ADAM19: variants seen among roughly 807,000 people sequenced by gnomAD.
ADAM19 encodes the protein ADAM metallopeptidase domain 19.
ADAM19 carries 65 observed loss-of-function variants against 114.7 expected under a neutral mutation model. The ratio of observed to expected loss-of-function variants is 0.57; its 90% CI spans 0.46 to 0.70. The LOEUF (loss-of-function observed/expected upper bound fraction) is 0.70, where lower values mean the gene tolerates loss of function less well. ADAM19 is among the 30% of genes least tolerant of loss of function. The pLI, the probability that ADAM19 is intolerant of heterozygous loss-of-function variation, is 0.00. For synonymous variants in ADAM19, 466 were observed against 460.5 expected (o/e 1.01, Z -0.15); for missense variants, 1,063 against 1,204.7 (o/e 0.88, Z 1.74).
Position 157,478,013 on chromosome 5 carries a change from G to A in ADAM19, c.*2936C>T. 3 of 260,568 alleles carry A rather than the reference G, an allele frequency of 1.2e-5. No homozygotes were observed. The highest frequency in any genetic ancestry group is 2.3e-5 in the Non-Finnish European group (3 of 128,020). The allele number at this position is 260,568 out of a possible 1,614,324, so 16.1% of individuals were successfully genotyped here. A position where few individuals can be genotyped will look rare whatever the true frequency, so the allele number is the denominator to read the frequency against. ...AGGCAGTTACAAGATTGAGCCAGGTGCCCAGGCTAAGGCTTCTAGAGACAG... is the reference window on the plus strand; with the variant it reads ...AGGCAGTTACAAGATTGAGCCAGGTACCCAGGCTAAGGCTTCTAGAGACAG... On this transcript the variant is annotated 3_prime_UTR_variant, in exon 23 of 23. Transcript: ENST00000257527.
chr5:157,560,665 T>G (rs1439787434), intron 3 of ADAM19, among the ~76,000 whole-genome samples: 9 of 152,224 alleles, frequency 5.9e-5, no homozygotes, highest in Admixed American at 5.9e-4. Flanking sequence ...TAGCAGCTTC[T>G]GTGTGACTGT....
intron 18 of ADAM19, among the ~76,000 whole-genome samples, chr5:157,491,128 C>T (rs913226512): frequency 8.0e-5 from 12 of 150,736 alleles, no homozygotes; most frequent in East Asian, 1.9e-4. Flanking sequence ...AAGTTATTTG[C>T]TATTTTTTTT....
In ADAM19 at chr5:157,493,196, G is replaced by C. The variant is rs1755234392; in HGVS notation, c.1704-19C>G. The C allele has an allele frequency of 1.9e-6, 3 of 1,609,030 alleles. No individual in the cohort carries two copies. The highest frequency in any genetic ancestry group is 2.6e-6 in the Non-Finnish European group (3 of 1,175,722). ...CGCATCTCTGGGCACAAGAGACAGAGAGGGAAGGAAGCGGAATCAGAGGCA... is the reference window on the plus strand; with the variant it reads ...CGCATCTCTGGGCACAAGAGACAGACAGGGAAGGAAGCGGAATCAGAGGCA... On this transcript the variant is annotated intron_variant, in intron 15 of 22. Transcript: ENST00000257527.
At chr5:157,498,225 G>C (rs1299642075) in intron 13 of ADAM19, among the ~76,000 whole-genome samples, 1 of 152,230 alleles carries the variant, frequency 6.6e-6, no homozygotes, top group African/African-American at 2.4e-5. Context: ...GGCCAAGACT[G>C]GGCCAGCTGA....
intron 4 of ADAM19, among the ~76,000 whole-genome samples, chr5:157,533,573 G>A (rs13353878): frequency 0.16 from 24,720 of 152,088 alleles, 2,176 homozygotes; most frequent in Middle Eastern, 0.21. Flanking sequence ...AAGAGGGGCC[G>A]GGCCTGTGTG....
chr5:157,511,577 G>A (rs533871070), intron 8 of ADAM19, among the ~76,000 whole-genome samples: 2 of 152,276 alleles, frequency 1.3e-5, no homozygotes, highest in Non-Finnish European at 1.5e-5. Flanking sequence ...CAGTTCAATC[G>A]TTACAGAAAA....
At chr5:157,481,163 T>C (rs1754734582) in intron 22 of ADAM19, 161 bp from the exon 23 acceptor site, 2 of 925,998 alleles carry the variant, frequency 2.2e-6, no homozygotes, top group Admixed American at 4.7e-5. Flanking sequence ...ACCCAGACCA[T>C]CAGCCCTGCA....
At chr5:157,529,096 TC>T (rs1756554601) in intron 5 of ADAM19, among the ~76,000 whole-genome samples, 1 of 152,350 alleles carries the variant, frequency 6.6e-6, no homozygotes, top group South Asian at 2.1e-4. Flanking sequence ...GGTGGGATTA[TC>T]TTTGTCAGCA....
intron 5 of ADAM19, among the ~76,000 whole-genome samples, chr5:157,529,056 A>G (rs1010590958): frequency 6.6e-6 from 1 of 152,214 alleles, no homozygotes; most frequent in African/African-American, 2.4e-5. Flanking sequence ...GCCTTCAATA[A>G]CATCACATCG....
chr5:157,564,422 T>C lies in ADAM19; in HGVS notation c.202A>G (p.Arg68Gly), dbSNP rs201342830. Residue 68 changes from arginine to glycine, a missense_variant, in exon 3 of 23, where the codon AGG becomes GGG. Arg to Gly is a moderately radical substitution (Grantham distance 125, BLOSUM62 -2). Around this residue, in one of 3 missense-constraint regions of ADAM19, gnomAD observed 615 missense variants for 706.3 expected, o/e 0.87. Transcript: ENST00000257527. ...REKHPLKAEL[R>G]VMAEGRELIL... ...AGTTCTCGCCCCTCAGCCATTACCC[T>C]GAGCTCAGCTTTGAGTGGATGCTAA... 10 of 1,614,220 alleles carry C rather than the reference T, an allele frequency of 6.2e-6. No homozygotes were observed. The Admixed American group carries it at 1.3e-4, about 22-fold the overall frequency.
Position 157,481,775 on chromosome 5 carries a change from C to T in ADAM19, c.2703+16G>A, listed in dbSNP as rs1561837399. The T allele has an allele frequency of 7.0e-6, 11 of 1,563,192 alleles. No individual in the cohort carries two copies. The East Asian group carries it at 9.4e-5, about 13-fold the overall frequency. ...CTGGTACCAGCTTTCACCTTGAGGGCTTCCCGTGGACTCACCTTTGGGGCA... is the reference window on the plus strand; with the variant it reads ...CTGGTACCAGCTTTCACCTTGAGGGTTTCCCGTGGACTCACCTTTGGGGCA... On this transcript the variant is annotated intron_variant, in intron 22 of 22. Transcript: ENST00000257527.
At chr5:157,506,796 G>A (rs537433390) in intron 10 of ADAM19, among the ~76,000 whole-genome samples, 55 of 152,244 alleles carry the variant, frequency 3.6e-4, no homozygotes, top group African/African-American at 1.3e-3. Flanking sequence ...GAACATATGA[G>A]ATCTAGTGAT....
chr5:157,488,126 C>G, intron 21 of ADAM19, 139 bp downstream of exon 21: 1 of 829,008 alleles, frequency 1.2e-6, no homozygotes, highest in Non-Finnish European at 2.0e-6. Context: ...CTGCTGTGCG[C>G]CCCCGTATTG....
Position 157,510,763 on chromosome 5 carries a change from G to A in ADAM19, c.739-1296C>T, listed in dbSNP as rs570685431. ...CTTTATTGCTGAATAATATTCTTTC[G>A]TATGGATATACCAAATTATATTAAT... On this transcript the variant is annotated intron_variant, in intron 8 of 22. Transcript: ENST00000257527. Among the ~76,000 whole-genome samples, 54 of 152,204 alleles carry A rather than the reference G, an allele frequency of 3.5e-4. 1 individual carries two copies. The South Asian group carries it at 3.9e-3, about 11-fold the overall frequency.
At chr5:157,510,599 G>A (rs548912006) in intron 8 of ADAM19, among the ~76,000 whole-genome samples, 52 of 152,278 alleles carry the variant, frequency 3.4e-4, no homozygotes, top group Admixed American at 2.4e-3. Flanking sequence ...CCAGGCAACC[G>A]TGCATCTACT....
chr5:157,569,885 G>A (rs1277168552), intron 2 of ADAM19, among the ~76,000 whole-genome samples: 1 of 152,160 alleles, frequency 6.6e-6, no homozygotes, highest in African/African-American at 2.4e-5. Flanking sequence ...CACTTCGCAA[G>A]TGGCAGGTCA....
rs374168780 is a variant in ADAM19, at chr5:157,494,812, C to T, written c.1595-17G>A. The T allele has an allele frequency of 4.8e-5, 77 of 1,605,372 alleles. No homozygotes were observed. The highest frequency in any genetic ancestry group is 3.3e-4 in the Middle Eastern group (2 of 6,028). On this transcript the variant is annotated splice_polypyrimidine_tract_variant and intron_variant, in intron 14 of 22. Coordinates refer to ENST00000257527, the MANE Select transcript of ADAM19 (RefSeq NM_033274.5). The stretch of plus-strand genomic sequence containing the variant: ...GTCGGGCTCCTGGGTGGGCAAGCAA[C>T]ATCTATCAGTATACTCATCTGTCAG...
intron 3 of ADAM19, among the ~76,000 whole-genome samples, chr5:157,559,689 A>G (rs1332748205): frequency 6.6e-6 from 1 of 150,414 alleles, no homozygotes; most frequent in Non-Finnish European, 1.5e-5. Flanking sequence ...GGACATGGGG[A>G]AAAGAACATA....
At chr5:157,505,043 T>C (rs1755696681) in intron 11 of ADAM19, among the ~76,000 whole-genome samples, 1 of 143,544 alleles carries the variant, frequency 7.0e-6, no homozygotes, top group East Asian at 2.0e-4. Flanking sequence ...GGTGTGAACC[T>C]GGGAGGCAGA....
Sources: gnomAD v4.1 joint callset for allele counts (sites outside exome capture counted in the v4.1 genomes callset) on GRCh38, gnomAD v4.1.1 for gene constraint, gnomAD v4.1.1 regional missense constraint, MANE v1.5 for transcripts, NCBI Gene and HGNC (gene_info 2026-07-23, HGNC 2026-07-21) for gene names.